FGA: variants seen among roughly 807,000 people sequenced by gnomAD.
FGA encodes the protein fibrinogen, A alpha polypeptide.
FGA carries 20 observed loss-of-function variants against 20.3 expected under a neutral mutation model. The ratio of observed to expected loss-of-function variants is 0.99; its 90% CI spans 0.69 to 1.43. The LOEUF (loss-of-function observed/expected upper bound fraction) is 1.43. Among genes scored for constraint, FGA ranks in the 40% most tolerant of loss-of-function variants. The pLI, the probability that FGA is intolerant of heterozygous loss-of-function variation, is 0.00. For synonymous variants in FGA, 306 were observed against 281.6 expected (o/e 1.09, Z -0.87); for missense variants, 777 against 784.7 (o/e 0.99, Z 0.12).
chr4:154,586,012 C>T lies in FGA; in HGVS notation c.1417G>A (p.Asp473Asn), dbSNP rs200378626. ...KTVTKTVIGP[D>N]GHKEVTKEVV... is the part of the protein sequence containing the mutation. Reference sequence around the variant, plus strand: ...TCTTTGGTAACTTCTTTGTGACCATCAGGACCAATAACAGTCTTAGTAACG... The same window carrying T: ...TCTTTGGTAACTTCTTTGTGACCATTAGGACCAATAACAGTCTTAGTAACG... Residue 473 changes from aspartate to asparagine, a missense_variant, in exon 5 of 5, where the codon GAT (aspartate) becomes AAT (asparagine). Physicochemically the swap from Asp to Asn is conservative, Grantham distance 23 (BLOSUM62 1). Transcript: ENST00000403106. 845 of 1,614,078 alleles carry T rather than the reference C, an allele frequency of 5.2e-4. No homozygotes were observed. Among genetic ancestry groups the T allele is most frequent in the Non-Finnish European group, 6.6e-4 (776 of 1,180,036 alleles).
chr4:154,585,332 T>G lies in FGA; in HGVS notation c.*162A>C. 7 of 1,162,582 alleles carry G rather than the reference T, an allele frequency of 6.0e-6. No homozygotes were observed. Among genetic ancestry groups the G allele is most frequent in the Non-Finnish European group, 8.3e-6 (7 of 843,426 alleles). 72.0% of individuals were successfully genotyped at this position (1,162,582 alleles called of 1,614,324 possible). A position where few individuals can be genotyped will look rare whatever the true frequency, so the allele number is the denominator to read the frequency against. Reference sequence around the variant, plus strand: ...TCATGGCTCTGTACTGTTAGGCATTTGGGAATACAGAGATGAGACAGACAA... The same window carrying G: ...TCATGGCTCTGTACTGTTAGGCATTGGGGAATACAGAGATGAGACAGACAA... On this transcript the variant is annotated 3_prime_UTR_variant, in exon 5 of 5. Coordinates refer to ENST00000403106, the MANE Select transcript of FGA (RefSeq NM_021871.4).
At position 154,586,902 on chromosome 4, in the gene FGA, T is replaced by A. The variant is rs1418232434; in HGVS notation, c.527A>T (p.Lys176Met). ...GCATGACCCTCGACAAGATCGGATCTTAATATCAATGTCCACCTAGAGAGA... is the reference window on the plus strand; with the variant it reads ...GCATGACCCTCGACAAGATCGGATCATAATATCAATGTCCACCTAGAGAGA... ...MKRLEVDIDI[K>M]IRSCRGSCSR... Residue 176 changes from lysine (K) to methionine (M), a missense_variant, in exon 5 of 5, where the codon AAG (lysine) becomes ATG (methionine). Physicochemically the swap from Lys to Met is moderately conservative, Grantham distance 95 (BLOSUM62 -1). Coordinates refer to ENST00000403106, the MANE Select transcript of FGA (RefSeq NM_021871.4). 2 of 1,613,872 alleles carry A rather than the reference T, an allele frequency of 1.2e-6. No individual in the cohort carries two copies. The highest frequency in any genetic ancestry group is 1.7e-6 in the Non-Finnish European group (2 of 1,179,968).
downstream of FGA, chr4:154,583,301 G>C (rs1393162438): frequency 6.6e-6 from 1 of 152,204 alleles, no homozygotes; most frequent in East Asian, 1.9e-4. Flanking sequence ...CATACTTAGT[G>C]AGAGGCTTTC....
In FGA at chr4:154,590,625, G is replaced by C. The variant is rs1730844795; in HGVS notation, c.54+9C>G. The C allele has an allele frequency of 6.4e-7, 1 of 1,553,414 alleles. No individual in the cohort carries two copies. Among genetic ancestry groups the C allele is most frequent in the South Asian group, 1.2e-5 (1 of 84,184 alleles). On this transcript the variant is annotated intron_variant, in intron 1 of 4. Coordinates refer to ENST00000403106, the MANE Select transcript of FGA (RefSeq NM_021871.4). ...AGAAAGCAAGAAGAAAAAATGAAAA[G>C]GGCCATACCCATGCTGTGCCCACCA...
chr4:154,586,115 T>G lies in FGA; in HGVS notation c.1314A>C (p.Gly438=). 1 of 1,614,190 alleles carries G rather than the reference T, an allele frequency of 6.2e-7. No homozygotes were observed. The highest frequency in any genetic ancestry group is 1.1e-5 in the South Asian group (1 of 91,086). The change falls in exon 5 of 5, where the codon GGA becomes GGC. Residue 438 remains glycine (G), a synonymous_variant. Coordinates refer to ENST00000403106, the MANE Select transcript of FGA (RefSeq NM_021871.4). Reference sequence around the variant, plus strand: ...CTTTACCAGTCCTGAGCTCTTTATCTCCTTTAGAAGTGACCAGTTTTTCTG... The same window carrying G: ...CTTTACCAGTCCTGAGCTCTTTATCGCCTTTAGAAGTGACCAGTTTTTCTG... ...YHTEKLVTSK[G]DKELRTGKEK...
At chr4:154,588,340 C>T (rs540399821) in intron 3 of FGA, among the ~76,000 whole-genome samples, 12 of 152,272 alleles carry the variant, frequency 7.9e-5, no homozygotes, top group South Asian at 4.1e-4. Flanking sequence ...GTGAGAATGA[C>T]GTAGCTTGAC....
chr4:154,583,343 C>T (rs1439021604), downstream of FGA: 1 of 152,094 alleles, frequency 6.6e-6, no homozygotes, highest in Non-Finnish European at 1.5e-5. Context: ...TAATAATTAG[C>T]ATGTCACAGA....
At position 154,585,543 on chromosome 4, in the gene FGA, A is replaced by C; in HGVS notation, c.1886T>G (p.Val629Gly). 1 of 1,614,046 alleles carries C rather than the reference A, an allele frequency of 6.2e-7. No homozygotes were observed. ...TKRGHAKSRPVRGIHTSPLGK... is the reference protein window; with the variant it reads ...TKRGHAKSRPGRGIHTSPLGK... ...CAAAGGAGAAGTGTGGATACCTCTG[A>C]CAGGGCGAGATTTAGCATGGCCTCT... The change falls in exon 5 of 5, where the codon GTC (valine) becomes GGC (glycine). Residue 629 changes from valine (V) to glycine (G), a missense_variant. Val to Gly is a moderately radical substitution (Grantham distance 109). Coordinates refer to ENST00000403106, the MANE Select transcript of FGA (RefSeq NM_021871.4).
rs1730727979 is a variant in FGA at position 154,586,595 on chromosome 4, T to C, written c.834A>G (p.Gly278=). 6.2e-7 allele frequency: 1 copy of C among 1,613,926 alleles called. No homozygotes were observed. The highest frequency in any genetic ancestry group is 1.3e-5 in the African/African-American group (1 of 74,894). ...EITRGGSTSY[G]TGSETESPRN... is the part of the protein sequence containing the mutation. ...TGGGGCTTTCCGTCTCTGATCCGGT[T>C]CCATAAGAGGTGGAGCCTCCTCGAG... The change falls in exon 5 of 5, where the codon GGA becomes GGG. Residue 278 remains glycine, a synonymous_variant. Coordinates refer to ENST00000403106, the MANE Select transcript of FGA (RefSeq NM_021871.4).
chr4:154,584,458 G>A, downstream of FGA: 3 of 1,614,138 alleles, frequency 1.9e-6, no homozygotes. Context: ...TTCATAGGAG[G>A]AGACTTGGAG....
chr4:154,589,027 A>C, intron 2 of FGA, 51 bp from the exon 3 acceptor site: 2 of 1,495,410 alleles, frequency 1.3e-6, no homozygotes, highest in Non-Finnish European at 1.9e-6. Context: ...TCAGATTCAG[A>C]ATAATTTTGC....
At chr4:154,590,546 A>G (rs1730843010) in intron 1 of FGA, 88 bp downstream of exon 1, 1 of 1,119,502 alleles carries the variant, frequency 8.9e-7, no homozygotes. Flanking sequence ...GTGTGTCAGG[A>G]CATAGAGCAG....
In FGA at chr4:154,589,418, T is replaced by TC. The variant is rs778642961; in HGVS notation, c.180+18dup. ...CATCAGAGGGAAGGAATCTCCTGCT[T>TC]CCCCCGCTGACTGCTTACCCAGTCT... On this transcript the variant is annotated intron_variant, in intron 2 of 4. Coordinates refer to ENST00000403106, the MANE Select transcript of FGA (RefSeq NM_021871.4). 1.9e-5 allele frequency: 30 copies of TC among 1,613,430 alleles called. No homozygotes were observed. The Admixed American group carries it at 4.7e-4, about 25-fold the overall frequency.
At chr4:154,587,762 A>AGAAAGAAG (rs1491168935) in intron 3 of FGA, 105 bp from the exon 4 acceptor site, 1 of 630,312 alleles carries the variant, frequency 1.6e-6, no homozygotes, top group African/African-American at 1.9e-5. Context: ...AAAGAAAGAA[A>AGAAAGAAG]GAAAGAAAGA....
downstream of FGA, chr4:154,584,590 T>A (rs755329084): frequency 2.5e-6 from 4 of 1,614,164 alleles, no homozygotes; most frequent in South Asian, 2.2e-5. Context: ...GTGGAGGTAG[T>A]CATTGCCTAG....
At chr4:154,587,252 G>C (rs1055775894) in intron 4 of FGA, among the ~76,000 whole-genome samples, 2 of 152,186 alleles carry the variant, frequency 1.3e-5, no homozygotes, top group Non-Finnish European at 2.9e-5. Context: ...GAGGTGTGGT[G>C]ATGTAATGGG....
In FGA at chr4:154,590,705, C is replaced by T. The variant is rs768489428; in HGVS notation, c.-18G>A. 1.9e-5 allele frequency: 30 copies of T among 1,551,172 alleles called. No homozygotes were observed. The African/African-American group carries it at 2.5e-4, about 13-fold the overall frequency. ...GAAAACATCTTTTCTAAGGGTGGGG[C>T]TGGCTCCTGAGGAGCACTCCAGCTG... On this transcript the variant is annotated 5_prime_UTR_variant, in exon 1 of 5. Coordinates refer to ENST00000403106, the MANE Select transcript of FGA (RefSeq NM_021871.4).
In FGA at chr4:154,586,060, TG is replaced by T; in HGVS notation, c.1368del (p.Thr457ArgfsTer27). On this transcript the variant is annotated frameshift_variant, in exon 5 of 5. Coordinates refer to ENST00000403106, the MANE Select transcript of FGA (RefSeq NM_021871.4). LOFTEE classifies it low-confidence loss of function (END_TRUNC). ...KEKVTSGSTT[T>X]TRRSCSKTVT... ...ACGGTTTTAGAGCATGAACGACGCG[TG>T]GTGGTTGTGCTACCAGAGGTGACCT... The T allele has an allele frequency of 6.2e-7, 1 of 1,614,092 alleles. No individual in the cohort carries two copies. The highest frequency in any genetic ancestry group is 2.2e-5 in the East Asian group (1 of 44,868).
At position 154,586,335 on chromosome 4, in the gene FGA, G is replaced by A; in HGVS notation, c.1094C>T (p.Ser365Phe). Residue 365 changes from serine to phenylalanine, a missense_variant, in exon 5 of 5, where the codon TCT (serine) becomes TTT (phenylalanine). Physicochemically the swap from Ser to Phe is radical, Grantham distance 155. Transcript: ENST00000403106. ...GSTGTWNPGSSERGSAGHWTS... is the reference protein window; with the variant it reads ...GSTGTWNPGSFERGSAGHWTS... ...CCAGTGCCCAGCACTTCCGCGTTCAGAGCTGCCAGGATTCCAGGTTCCGGT... is the reference window on the plus strand; with the variant it reads ...CCAGTGCCCAGCACTTCCGCGTTCAAAGCTGCCAGGATTCCAGGTTCCGGT... 6.2e-7 allele frequency: 1 copy of A among 1,614,204 alleles called. No individual in the cohort carries two copies. Among genetic ancestry groups the A allele is most frequent in the Non-Finnish European group, 8.5e-7 (1 of 1,180,022 alleles).
Sources: allele counts gnomAD v4.1 joint callset (sites outside exome capture counted in the v4.1 genomes callset), GRCh38; gene constraint gnomAD v4.1.1; transcripts MANE v1.5; gene names NCBI Gene and HGNC (gene_info 2026-07-23, HGNC 2026-07-21).